The following DIAPH2 variants were observed in gnomAD, a reference collection of about 807,000 sequenced individuals.
DIAPH2 encodes the protein diaphanous related formin 2, also known as protein diaphanous homolog 2.
A neutral mutation model predicts 92.7 loss-of-function variants in DIAPH2; 35 were observed. That is an observed-to-expected ratio of 0.38 (90% confidence interval 0.29 to 0.50). The LOEUF (loss-of-function observed/expected upper bound fraction) is 0.50. DIAPH2 is among the 20% of genes least tolerant of loss of function. The probability of loss-of-function intolerance (pLI) is 0.94; values close to 1 mark genes in which losing one functional copy is unlikely to be tolerated. For synonymous variants in DIAPH2, 301 were observed against 280.4 expected, an observed-to-expected ratio of 1.07 and a Z score of -0.73; for missense variants, 701 against 819.5, an observed-to-expected ratio of 0.86 and a Z score of 1.77.
intron 19 of DIAPH2, among the ~76,000 whole-genome samples, chrX:97,076,007 A>G (rs781041458): frequency 2.7e-5 from 3 of 111,969 alleles, no homozygotes; most frequent in African/African-American, 9.7e-5. Context: ...ATTTGAAATT[A>G]CAGGGTCATT....
At chrX:96,730,082 A>G (rs1461466944) in intron 1 of DIAPH2, among the ~76,000 whole-genome samples, 1 of 112,027 alleles carries the variant, frequency 8.9e-6, no homozygotes, top group Non-Finnish European at 1.9e-5. Context: ...ATAGAGGACT[A>G]CAGTGCCTAA....
chrX:97,288,936 C>G (rs1362414019), intron 23 of DIAPH2, among the ~76,000 whole-genome samples: 1 of 111,135 alleles, frequency 9.0e-6, no homozygotes, highest in Non-Finnish European at 1.9e-5. Flanking sequence ...CTTGTAACAA[C>G]TTTATTTTCT....
intron 20 of DIAPH2, among the ~76,000 whole-genome samples, chrX:97,111,589 TC>T (rs2066980865): frequency 8.9e-6 from 1 of 112,133 alleles, no homozygotes; most frequent in African/African-American, 3.2e-5. Flanking sequence ...CATTTATTCT[TC>T]CTTAATTCTA....
intron 2 of DIAPH2, among the ~76,000 whole-genome samples, chrX:96,738,126 T>C (rs1318160956): frequency 9.0e-6 from 1 of 111,659 alleles, no homozygotes; most frequent in Non-Finnish European, 1.9e-5. Context: ...ACTGACACAT[T>C]ATTCATTTAT....
At chrX:97,030,911 C>T (rs904255165) in intron 17 of DIAPH2, among the ~76,000 whole-genome samples, 26 of 111,800 alleles carry the variant, frequency 2.3e-4, no homozygotes, top group African/African-American at 6.8e-4. Flanking sequence ...TAGAAACATA[C>T]GCTTAAAATA....
intron 22 of DIAPH2, among the ~76,000 whole-genome samples, chrX:97,185,415 A>G (rs1475517841): frequency 1.8e-5 from 1 of 56,587 alleles, no homozygotes; most frequent in African/African-American, 9.3e-5. Flanking sequence ...ATATATGTAT[A>G]TATATATGTA....
chrX:97,060,987 C>T (rs1399004879), intron 17 of DIAPH2, among the ~76,000 whole-genome samples: 1 of 81,521 alleles, frequency 1.2e-5, no homozygotes, highest in Non-Finnish European at 2.5e-5. Flanking sequence ...CAAACGCACA[C>T]GTGCGCATGC....
chrX:96,903,647 A>G (rs190708925), intron 5 of DIAPH2, among the ~76,000 whole-genome samples: 27 of 111,655 alleles, frequency 2.4e-4, no homozygotes, highest in African/African-American at 8.4e-4. Flanking sequence ...TCCCTTATTG[A>G]CCGTAGATTG....
At chrX:97,449,748 T>C in intron 26 of DIAPH2, 1 of 593,233 alleles carries the variant, frequency 1.7e-6, no homozygotes, top group Non-Finnish European at 2.0e-6. Context: ...GGGGAACCAG[T>C]GGCTGAATGA....
chrX:96,837,433 C>CTCTCTCTCTCTGTGTG (rs1189132418), intron 4 of DIAPH2, among the ~76,000 whole-genome samples: 2 of 41,343 alleles, frequency 4.8e-5, no homozygotes, highest in Admixed American at 6.6e-4. Flanking sequence ...CTCTCTCTCT[C>CTCTCTCTCTCTGTGTG]TGTGTGTGTG....
chrX:96,901,243 G>C (rs1169421935), intron 5 of DIAPH2, among the ~76,000 whole-genome samples: 2 of 109,868 alleles, frequency 1.8e-5, no homozygotes, highest in African/African-American at 3.3e-5. Context: ...TCTAGTTTTC[G>C]TGTGTAAAGG....
intron 4 of DIAPH2, among the ~76,000 whole-genome samples, chrX:96,774,383 G>C (rs1027512455): frequency 9.0e-6 from 1 of 111,677 alleles, no homozygotes; most frequent in Non-Finnish European, 1.9e-5. Flanking sequence ...CTGCCAACTG[G>C]AGAATACCTA....
At chrX:97,103,862 C>T (rs775581552) in intron 20 of DIAPH2, among the ~76,000 whole-genome samples, 2 of 112,027 alleles carry the variant, frequency 1.8e-5, no homozygotes, top group Non-Finnish European at 3.8e-5. Flanking sequence ...GCCTCTTGCT[C>T]ATTATGCCTC....
rs200248619 is a variant in DIAPH2 at position 96,916,424 on chromosome X, T to TG, written c.733-14_733-13insG. The TG allele has an allele frequency of 1.0e-5, 11 of 1,084,924 alleles. No homozygotes were observed. The highest frequency in any genetic ancestry group is 5.8e-5 in the African/African-American group (3 of 51,556). The allele number at this position is 1,084,924 out of a possible 1,213,427, so 89.4% of individuals were successfully genotyped here. ...TAGACATTCTGAATGAAGGTTTTTT[T>TG]TTTTTTTTTTTAGTTTGGATTACAA... On this transcript the variant is annotated splice_polypyrimidine_tract_variant and intron_variant, in intron 7 of 26. Coordinates refer to ENST00000324765, the MANE Select transcript of DIAPH2 (RefSeq NM_006729.5).
chrX:96,945,619 C>G, intron 14 of DIAPH2, 28 bp downstream of exon 14: 1 of 1,020,890 alleles, frequency 9.8e-7, no homozygotes, highest in South Asian at 2.5e-5. Flanking sequence ...TAGCCATAAT[C>G]GTTAGGTTAA....
intron 7 of DIAPH2, among the ~76,000 whole-genome samples, chrX:96,914,284 A>C (rs767666254): frequency 5.4e-5 from 6 of 110,976 alleles, no homozygotes; most frequent in Admixed American, 1.9e-4. Context: ...TTTTCTCAAA[A>C]TCTGGGCTCT....
intron 25 of DIAPH2, among the ~76,000 whole-genome samples, chrX:97,389,201 G>A (rs1266045141): frequency 3.6e-5 from 4 of 110,487 alleles, no homozygotes; most frequent in Non-Finnish European, 7.6e-5. Flanking sequence ...GAGTGCAGAG[G>A]CTCACACCTG....
intron 23 of DIAPH2, among the ~76,000 whole-genome samples, chrX:97,258,521 C>T (rs1450422663): frequency 1.9e-5 from 2 of 107,662 alleles, no homozygotes; most frequent in African/African-American, 3.4e-5. Flanking sequence ...TGCAGTGAGC[C>T]GAGATCATGC....
At chrX:97,259,278 G>T (rs183135750) in intron 23 of DIAPH2, among the ~76,000 whole-genome samples, 1 of 110,013 alleles carries the variant, frequency 9.1e-6, no homozygotes, top group Non-Finnish European at 1.9e-5. Flanking sequence ...AGTGAGCCAA[G>T]ATCCTGCCAC....
Sources: gnomAD v4.1 joint callset for allele counts (sites outside exome capture counted in the v4.1 genomes callset) on GRCh38, gnomAD v4.1.1 for gene constraint, MANE v1.5 for transcripts, NCBI Gene and HGNC (gene_info 2026-07-23, HGNC 2026-07-21) for gene names.